The following DPYD variants were observed in gnomAD, a reference collection of about 807,000 sequenced individuals.
The protein encoded by DPYD is dihydropyrimidine dehydrogenase, also known as dihydropyrimidine dehydrogenase [NADP(+)].
DPYD carries 109 observed loss-of-function variants against 116.2 expected under a neutral mutation model. The ratio of observed to expected loss-of-function variants is 0.94; its 90% CI spans 0.80 to 1.10. The LOEUF (loss-of-function observed/expected upper bound fraction) is 1.10, where lower values mean the gene tolerates loss of function less well. Among genes scored for constraint, DPYD ranks in the 50% least tolerant of loss-of-function variants. The probability of loss-of-function intolerance (pLI) is 0.00; values close to 1 mark genes in which losing one functional copy is unlikely to be tolerated. For synonymous variants in DPYD, 440 were observed against 432.0 expected (o/e 1.02, Z -0.23); for missense variants, 1,302 against 1,254.5 (o/e 1.04, Z -0.57).
At chr1:97,156,962 T>C (rs1041087222) in intron 20 of DPYD, among the ~76,000 whole-genome samples, 4 of 151,516 alleles carry the variant, frequency 2.6e-5, no homozygotes, top group African/African-American at 9.7e-5. Flanking sequence ...TTCATGTCCT[T>C]TGTAGGGACA....
chr1:97,629,020 C>T (rs1657101134), intron 8 of DPYD, among the ~76,000 whole-genome samples: 1 of 152,086 alleles, frequency 6.6e-6, no homozygotes, highest in Non-Finnish European at 1.5e-5. Context: ...TGCAGCAGGA[C>T]TAGGTGAGTC....
chr1:97,512,511 C>T (rs1273745433), intron 13 of DPYD, among the ~76,000 whole-genome samples: 1 of 151,812 alleles, frequency 6.6e-6, no homozygotes, highest in Non-Finnish European at 1.5e-5. Context: ...ATGCAACTTG[C>T]AGTTTCATGT....
chr1:97,420,466 T>G (rs1322565665), intron 14 of DPYD, among the ~76,000 whole-genome samples: 1 of 152,134 alleles, frequency 6.6e-6, no homozygotes, highest in African/African-American at 2.4e-5. Context: ...TCTCTATCCT[T>G]GCTTTCCCTT....
intron 3 of DPYD, among the ~76,000 whole-genome samples, chr1:97,761,007 A>T (rs1345978413): frequency 6.6e-6 from 1 of 152,120 alleles, no homozygotes; most frequent in Non-Finnish European, 1.5e-5. Flanking sequence ...ACACAGATGT[A>T]GCTTGAATCT....
intron 3 of DPYD, among the ~76,000 whole-genome samples, chr1:97,782,652 G>C (rs553247223): frequency 6.6e-6 from 1 of 152,256 alleles, no homozygotes; most frequent in South Asian, 2.1e-4. Flanking sequence ...TAGTATAAAG[G>C]CAAGACCAGT....
At chr1:97,337,487 C>T (rs371768818) in intron 16 of DPYD, among the ~76,000 whole-genome samples, 1 of 152,114 alleles carries the variant, frequency 6.6e-6, no homozygotes, top group Non-Finnish European at 1.5e-5. Context: ...TGGCTCACCT[C>T]TGTAGTGTAA....
chr1:97,380,913 A>G (rs1671920007), intron 15 of DPYD, among the ~76,000 whole-genome samples: 1 of 152,206 alleles, frequency 6.6e-6, no homozygotes. Context: ...CTGTGATGAA[A>G]TCATGCTGCT....
intron 2 of DPYD, among the ~76,000 whole-genome samples, chr1:97,860,221 T>C (rs1032517448): frequency 3.9e-5 from 6 of 152,116 alleles, no homozygotes; most frequent in African/African-American, 1.2e-4. Context: ...TGCACTCCTA[T>C]AGTCCCAGCT....
intron 19 of DPYD, among the ~76,000 whole-genome samples, chr1:97,209,899 A>G (rs1659923149): frequency 6.6e-6 from 1 of 152,152 alleles, no homozygotes. Context: ...AGATAATGGC[A>G]GTTTATATTT....
intron 13 of DPYD, among the ~76,000 whole-genome samples, chr1:97,479,114 T>C (rs962018786): frequency 6.6e-6 from 1 of 152,208 alleles, no homozygotes; most frequent in Non-Finnish European, 1.5e-5. Context: ...TGATGTCTTA[T>C]CATTTATGTG....
At chr1:97,705,649 A>G (rs61790061) in intron 5 of DPYD, among the ~76,000 whole-genome samples, 14,225 of 152,048 alleles carry the variant, frequency 0.094, 705 homozygotes, top group Middle Eastern at 0.11. Flanking sequence ...GTATATACCC[A>G]GTAATGGGAT....
intron 20 of DPYD, among the ~76,000 whole-genome samples, chr1:97,136,613 A>C (rs1256939122): frequency 1.3e-5 from 2 of 152,096 alleles, no homozygotes; most frequent in African/African-American, 4.8e-5. Context: ...CTGCCATCAA[A>C]GCAGGAATGA....
At chr1:97,909,857 C>G (rs1289475033) in intron 1 of DPYD, among the ~76,000 whole-genome samples, 1 of 152,104 alleles carries the variant, frequency 6.6e-6, no homozygotes, top group Non-Finnish European at 1.5e-5. Flanking sequence ...AGTTTACTTT[C>G]AGCTGCCTAC....
chr1:97,229,606 A>G (rs12120514), intron 19 of DPYD, among the ~76,000 whole-genome samples: 11,000 of 136,518 alleles, frequency 0.081, 658 homozygotes, highest in South Asian at 0.19. Flanking sequence ...TTTAATTCAT[A>G]CTTTAGCTAA....
chr1:97,490,982 A>G (rs1678941359), intron 13 of DPYD, among the ~76,000 whole-genome samples: 2 of 150,862 alleles, frequency 1.3e-5, no homozygotes. Flanking sequence ...GAATATATAC[A>G]TTGCATATAA....
chr1:97,522,717 CA>C (rs34950626), intron 12 of DPYD, among the ~76,000 whole-genome samples: 18,776 of 137,908 alleles, frequency 0.14, 1,339 homozygotes, highest in African/African-American at 0.21. Flanking sequence ...GACTCTGTCT[CA>C]AAAAAAAAAA....
intron 20 of DPYD, among the ~76,000 whole-genome samples, chr1:97,133,503 T>C (rs1653491268): frequency 6.6e-6 from 1 of 152,154 alleles, no homozygotes. Context: ...CTTCTACATG[T>C]ACTTTGGTTT....
intron 18 of DPYD, among the ~76,000 whole-genome samples, chr1:97,251,391 T>TAA (rs10581072): frequency 4.5e-4 from 43 of 95,244 alleles, no homozygotes; most frequent in South Asian, 9.3e-4. Flanking sequence ...AAACTCTGTC[T>TAA]AAAAAAAAAA....
chr1:97,877,142 T>C (rs895951413), intron 2 of DPYD, among the ~76,000 whole-genome samples: 4 of 151,894 alleles, frequency 2.6e-5, no homozygotes, highest in Non-Finnish European at 4.4e-5. Context: ...CAGTGTTGAG[T>C]GGAACATCAG....
Sources: allele counts gnomAD v4.1 joint callset (sites outside exome capture counted in the v4.1 genomes callset), GRCh38; gene constraint gnomAD v4.1.1; transcripts MANE v1.5; gene names NCBI Gene and HGNC (gene_info 2026-07-23, HGNC 2026-07-21).